GATA4: variants seen among roughly 807,000 people sequenced by gnomAD.
GATA4 encodes the protein GATA binding protein 4.
GATA4 carries 7 observed loss-of-function variants against 37.9 expected under a neutral mutation model. That is an observed-to-expected ratio of 0.18 (90% CI 0.11 to 0.35). The LOEUF (loss-of-function observed/expected upper bound fraction) is 0.35. GATA4 is among the 10% of genes least tolerant of loss of function. The probability of loss-of-function intolerance (pLI) is 1.00; values close to 1 mark genes in which losing one functional copy is unlikely to be tolerated. For synonymous variants in GATA4, 372 were observed against 292.6 expected (o/e 1.27, Z -2.77); for missense variants, 647 against 653.0 (o/e 0.99, Z 0.10).
At chr8:11,703,587 A>G (rs1286293515), upstream of GATA4, among the ~76,000 whole-genome samples, 3 of 152,272 alleles carry the variant, frequency 2.0e-5, no homozygotes, top group Non-Finnish European at 4.4e-5. Flanking sequence ...TGCAGATTGC[A>G]TAAATACATA....
At position 11,756,999 on chromosome 8, in the gene GATA4, C is replaced by T. The variant is rs759398213; in HGVS notation, c.1065C>T (p.Thr355=). ...SGASSNSSNA[T]TSSSEEMRPI... ...CTTCCAGCAACTCCAGCAACGCCAC[C>T]ACCAGCAGCAGCGAGGAGATGCGTC... The change falls in exon 6 of 7, where the codon ACC becomes ACT. Residue 355 remains threonine (T), a synonymous_variant. Coordinates refer to ENST00000532059, the MANE Select transcript of GATA4 (RefSeq NM_001308093.3). 4 of 1,614,262 alleles carry T rather than the reference C, an allele frequency of 2.5e-6. No individual in the cohort carries two copies. In the Admixed American group the frequency reaches 6.7e-5, roughly 27 times the overall value.
At chr8:11,754,372 G>A (rs879452532) in intron 4 of GATA4, among the ~76,000 whole-genome samples, 14 of 152,066 alleles carry the variant, frequency 9.2e-5, no homozygotes, top group Non-Finnish European at 1.8e-4. Flanking sequence ...ATGCAGCACC[G>A]TGCCCAGCTA....
chr8:11,708,323 G>C lies in GATA4; in HGVS notation c.11G>C (p.Ser4Thr). 1 of 1,584,472 alleles carries C rather than the reference G, an allele frequency of 6.3e-7. No individual in the cohort carries two copies. The highest frequency in any genetic ancestry group is 8.5e-7 in the Non-Finnish European group (1 of 1,173,072). Residue 4 changes from serine to threonine, a missense_variant, in exon 2 of 7, where the codon AGC becomes ACC. Ser to Thr is a moderately conservative substitution (Grantham distance 58). Transcript: ENST00000532059. The surrounding 1 kb of genome is among the most constrained non-coding windows in gnomAD (Gnocchi z 6.7). MYQ[S>T]LAMAANHGPP... The stretch of plus-strand genomic sequence containing the variant: ...GAGCTCGCAGGGACCATGTATCAGA[G>C]CTTGGCCATGGCCGCCAACCACGGG...
At position 11,755,077 on chromosome 8, in the gene GATA4, G is replaced by A. The variant is rs1802487980; in HGVS notation, c.944G>A (p.Gly315Glu). 2 of 1,614,094 alleles carry A rather than the reference G, an allele frequency of 1.2e-6. No individual in the cohort carries two copies. The highest frequency in any genetic ancestry group is 1.3e-5 in the African/African-American group (1 of 75,014). The change falls in exon 5 of 7, where the codon GGG (glycine) becomes GAG (glutamate). Residue 315 changes from glycine (G) to glutamate (E), a missense_variant. Physicochemically the swap from Gly to Glu is moderately conservative, Grantham distance 98. This residue lies in a region of GATA4 where 21 missense variants were observed against 62.6 expected (regional missense o/e 0.34). Transcript: ENST00000532059. ...VPRPLAMRKE[G>E]IQTRKRKPKN... is the part of the protein sequence containing the mutation. ...AGGCCTCTTGCAATGCGGAAAGAGG[G>A]GATCCAAACCAGAAAACGGAAGCCC...
intron 1 of GATA4, chr8:11,681,313 C>T (rs935664574): frequency 8.1e-6 from 8 of 985,414 alleles, no homozygotes; most frequent in Non-Finnish European, 9.6e-6. Flanking sequence ...ACTGTCTTCA[C>T]CACTTCTCGA....
At chr8:11,727,789 C>T (rs868410794) in intron 2 of GATA4, among the ~76,000 whole-genome samples, 11 of 150,878 alleles carry the variant, frequency 7.3e-5, no homozygotes, top group Non-Finnish European at 1.6e-4. Context: ...TGCGGTGAGC[C>T]GTGATCTAGC....
intron 2 of GATA4, among the ~76,000 whole-genome samples, chr8:11,710,114 C>A (rs1419419832): frequency 1.3e-5 from 2 of 152,114 alleles, no homozygotes; most frequent in African/African-American, 2.4e-5. Flanking sequence ...GGCTTTGAAG[C>A]GCTTTTAAAT....
intron 1 of GATA4, among the ~76,000 whole-genome samples, chr8:11,704,711 G>A (rs937941884): frequency 6.6e-6 from 1 of 152,246 alleles, no homozygotes. Context: ...ATGGAGGGAA[G>A]TAGACGGAGG....
In GATA4 at chr8:11,749,067, C is replaced by T. The variant is rs760250504; in HGVS notation, c.768C>T (p.Ile256=). Residue 256 remains isoleucine (I), a synonymous_variant, in exon 3 of 7, where the codon ATC becomes ATT. Transcript: ENST00000532059. This position sits in a 1 kb window ranked among gnomAD's most constrained non-coding sequence, Gnocchi z 4.6. ...TGAACGGCATCAACCGGCCGCTCAT[C>T]AAGCCTCAGCGCCGGCTGGTAAGCA... is the stretch of plus-strand genomic sequence containing the variant. ...HKMNGINRPL[I]KPQRRLSASR... is the part of the protein sequence containing the mutation. 1 of 1,614,240 alleles carries T rather than the reference C, an allele frequency of 6.2e-7. No homozygotes were observed. The highest frequency in any genetic ancestry group is 8.5e-7 in the Non-Finnish European group (1 of 1,180,040).
Position 11,748,956 on chromosome 8 carries a change from C to T in GATA4, c.657C>T (p.Val219=), listed in dbSNP as rs1349297378. The T allele has an allele frequency of 2.5e-6, 4 of 1,614,242 alleles. No homozygotes were observed. The highest frequency in any genetic ancestry group is 3.4e-6 in the Non-Finnish European group (4 of 1,180,044). ...ACTTCTCAGAAGGCAGAGAGTGTGT[C>T]AACTGTGGGGCTATGTCCACCCCGC... is the stretch of plus-strand genomic sequence containing the variant. The part of the protein sequence containing the change: ...FDDFSEGREC[V]NCGAMSTPLW... The change falls in exon 3 of 7, where the codon GTC becomes GTT. Residue 219 remains valine, a synonymous_variant. Coordinates refer to ENST00000532059, the MANE Select transcript of GATA4 (RefSeq NM_001308093.3).
chr8:11,753,404 G>A (rs894660071), intron 4 of GATA4, among the ~76,000 whole-genome samples: 10 of 151,998 alleles, frequency 6.6e-5, no homozygotes, highest in Admixed American at 1.3e-4. Flanking sequence ...CTTGCAGAAC[G>A]GTGTGAATGC....
chr8:11,711,238 A>C (rs1338089103), intron 2 of GATA4, among the ~76,000 whole-genome samples: 1 of 148,842 alleles, frequency 6.7e-6, no homozygotes, highest in Non-Finnish European at 1.5e-5. Flanking sequence ...TGGCAAGCTG[A>C]CCTCCCTGTG....
At chr8:11,721,634 T>G (rs1160541331) in intron 2 of GATA4, among the ~76,000 whole-genome samples, 1 of 152,050 alleles carries the variant, frequency 6.6e-6, no homozygotes, top group Non-Finnish European at 1.5e-5. Flanking sequence ...CTGTGTGGTT[T>G]GAGTTCAAAT....
chr8:11,690,324 T>C (rs1234770100), upstream of GATA4, among the ~76,000 whole-genome samples: 1 of 152,254 alleles, frequency 6.6e-6, no homozygotes, highest in Non-Finnish European at 1.5e-5. Flanking sequence ...AAACTCCACT[T>C]TTTAAAATTC....
chr8:11,753,460 A>C (rs1340689885), intron 4 of GATA4, among the ~76,000 whole-genome samples: 6 of 151,038 alleles, frequency 4.0e-5, no homozygotes, highest in Admixed American at 2.0e-4. Flanking sequence ...TCAGATGGTA[A>C]ATTTTAAGTT....
upstream of GATA4, among the ~76,000 whole-genome samples, chr8:11,702,461 C>T (rs1429915759): frequency 6.6e-6 from 1 of 151,716 alleles, no homozygotes; most frequent in African/African-American, 2.4e-5. The surrounding 1 kb of genome is among the most constrained non-coding windows in gnomAD (Gnocchi z 4.4). Flanking sequence ...CTTCGCGCCT[C>T]TCTCGCTCGC....
intron 1 of GATA4, among the ~76,000 whole-genome samples, chr8:11,684,887 T>C (rs1373542980): frequency 1.3e-5 from 2 of 152,262 alleles, no homozygotes; most frequent in Non-Finnish European, 2.9e-5. Flanking sequence ...TTAGCCAAAA[T>C]TGACTGCTGC....
rs138326891 is a variant in GATA4 at position 11,729,344 on chromosome 8, C to T, written c.617-19572C>T. On this transcript the variant is annotated intron_variant, in intron 2 of 6. Coordinates refer to ENST00000532059, the MANE Select transcript of GATA4 (RefSeq NM_001308093.3). ...CAGCACTTTGGGAGGCCAGGGTGAA[C>T]GGATCACGAGGTCAGGAGTTCAAGA... Among the ~76,000 whole-genome samples, 935 of 152,094 alleles carry T rather than the reference C, an allele frequency of 6.1e-3. 13 individuals are homozygous for T. Among genetic ancestry groups the T allele is most frequent in the African/African-American group, 0.018 (766 of 41,470 alleles).
chr8:11,692,444 G>A, upstream of GATA4: 3 of 876,366 alleles, frequency 3.4e-6, no homozygotes, highest in East Asian at 2.4e-4. Context: ...TATATAATTC[G>A]AATGAACCCT....
Sources: allele counts gnomAD v4.1 joint callset (sites outside exome capture counted in the v4.1 genomes callset), GRCh38; gene constraint gnomAD v4.1.1; regional missense constraint gnomAD v4.1.1; non-coding constraint Gnocchi (gnomAD v3.1); transcripts MANE v1.5; gene names NCBI Gene and HGNC (gene_info 2026-07-23, HGNC 2026-07-21).